ZNF516: variants seen among roughly 807,000 people sequenced by gnomAD.
ZNF516 encodes zinc finger protein 516.
A neutral mutation model predicts 79.7 loss-of-function variants in ZNF516; 19 were observed. The observed-to-expected ratio is 0.24, with a 90% CI of 0.17 to 0.35. ZNF516 has a LOEUF of 0.35. ZNF516 is among the 10% of genes least tolerant of loss of function. The pLI is 1.00. For synonymous variants in ZNF516, 877 were observed against 739.5 expected (o/e 1.19, Z -3.02); for missense variants, 1,678 against 1,679.5 (o/e 1.00, Z 0.02).
chr18:76,453,378 C>T (rs1275076666), intron 2 of ZNF516, among the ~76,000 whole-genome samples: 6 of 152,138 alleles, frequency 3.9e-5, no homozygotes, highest in Admixed American at 6.6e-5. Flanking sequence ...ACTGAGGGGC[C>T]GCTCTCCTTC....
chr18:76,423,570 C>A (rs1468481145), intron 3 of ZNF516, among the ~76,000 whole-genome samples: 3 of 138,182 alleles, frequency 2.2e-5, no homozygotes, highest in East Asian at 4.4e-4. Context: ...TGAAAAGGCT[C>A]CCCCGAAACA....
chr18:76,490,953 A>G (rs1024854785), intron 1 of ZNF516: 4 of 985,250 alleles, frequency 4.1e-6, no homozygotes, highest in African/African-American at 1.7e-5. Flanking sequence ...GAGGTCACAC[A>G]CGCAGAACAC....
intron 2 of ZNF516, among the ~76,000 whole-genome samples, chr18:76,444,812 A>G (rs150172046): frequency 6.6e-5 from 10 of 152,346 alleles, no homozygotes; most frequent in Middle Eastern, 3.4e-3. Flanking sequence ...AGATAACAGC[A>G]AGACAGGAGC....
At position 76,488,916 on chromosome 18, in the gene ZNF516, A is replaced by T. The variant is rs567053657; in HGVS notation, c.-272+6228T>A. On this transcript the variant is annotated intron_variant, in intron 1 of 6. Coordinates refer to ENST00000443185, the MANE Select transcript of ZNF516 (RefSeq NM_014643.4). ...CCACTTTTAATTAGGTAATTAACAG[A>T]AGTCCTTTTCCCCTAAATCAAAATA... is the stretch of plus-strand genomic sequence containing the variant. 1.2e-4 allele frequency among the ~76,000 whole-genome samples: 19 copies of T among 152,364 alleles called. No individual in the cohort carries two copies. In the East Asian group the frequency reaches 2.1e-3, roughly 17 times the overall value.
At position 76,362,195 on chromosome 18, in the gene ZNF516, G is replaced by A. The variant is rs1218156523; in HGVS notation, c.*303C>T. On this transcript the variant is annotated 3_prime_UTR_variant, in exon 7 of 7. Coordinates refer to ENST00000443185, the MANE Select transcript of ZNF516 (RefSeq NM_014643.4). ...CCTTGTGCCCCTACTGTGCCTGCCA[G>A]TACTACTGTTTATTATAAGAAAATA... 1 of 312,532 alleles carries A rather than the reference G, an allele frequency of 3.2e-6. No homozygotes were observed. Among genetic ancestry groups the A allele is most frequent in the East Asian group, 5.3e-5 (1 of 19,030 alleles). 19.4% of individuals were successfully genotyped at this position (312,532 alleles called of 1,614,324 possible).
Position 76,471,613 on chromosome 18 carries a change from C to T in ZNF516, c.-271-8472G>A, listed in dbSNP as rs988628160. Among the ~76,000 whole-genome samples the T allele has an allele frequency of 5.9e-5, 9 of 152,342 alleles. No individual in the cohort carries two copies. In the East Asian group the frequency reaches 1.7e-3, roughly 29 times the overall value. On this transcript the variant is annotated intron_variant, in intron 1 of 6. Coordinates refer to ENST00000443185, the MANE Select transcript of ZNF516 (RefSeq NM_014643.4). ...ACCACTGGTGGAAACACTCCACACA[C>T]GACAGCTGGGCCTCAGCCAGGCACC...
At chr18:76,455,615 T>C (rs1265391082) in intron 2 of ZNF516, among the ~76,000 whole-genome samples, 1 of 152,186 alleles carries the variant, frequency 6.6e-6, no homozygotes, top group African/African-American at 2.4e-5. Context: ...TTCCAGATAC[T>C]ATCACATCTG....
At chr18:76,453,195 G>A (rs756099375) in intron 2 of ZNF516, among the ~76,000 whole-genome samples, 12 of 152,174 alleles carry the variant, frequency 7.9e-5, no homozygotes, top group South Asian at 2.1e-4. Flanking sequence ...GAGCCCCTTC[G>A]TCTGCCACAA....
At chr18:76,487,938 G>C (rs1242913992) in intron 1 of ZNF516, 2 of 985,282 alleles carry the variant, frequency 2.0e-6, no homozygotes, top group African/African-American at 1.7e-5. Context: ...GAGAAGAAGG[G>C]AACAGCTACA....
chr18:76,440,181 A>C (rs1404851151), intron 3 of ZNF516, among the ~76,000 whole-genome samples: 1 of 148,712 alleles, frequency 6.7e-6, no homozygotes, highest in Non-Finnish European at 1.5e-5. Context: ...TATGCATTTC[A>C]GTGTAACAGA....
intron 3 of ZNF516, among the ~76,000 whole-genome samples, chr18:76,395,956 T>C (rs2075140443): frequency 1.3e-5 from 2 of 152,208 alleles, no homozygotes; most frequent in South Asian, 4.1e-4. Flanking sequence ...GAGGAAGCCC[T>C]GCCTTCTTCC....
intron 1 of ZNF516, chr18:76,492,275 T>C (rs921819919): frequency 1.0e-6 from 1 of 985,272 alleles, no homozygotes; most frequent in African/African-American, 1.7e-5. Context: ...CTTCCCGAGG[T>C]GCGTACTACG....
At chr18:76,408,574 A>C (rs1436338413) in intron 3 of ZNF516, among the ~76,000 whole-genome samples, 2 of 152,176 alleles carry the variant, frequency 1.3e-5, no homozygotes, top group African/African-American at 4.8e-5. Flanking sequence ...TTGTCATCCA[A>C]CTAGGAAACT....
chr18:76,468,013 C>T (rs1320069202), intron 1 of ZNF516, among the ~76,000 whole-genome samples: 2 of 152,234 alleles, frequency 1.3e-5, no homozygotes, highest in East Asian at 3.9e-4. Context: ...GACGGCCTTG[C>T]GGGACTCCCT....
chr18:76,397,387 T>C lies in ZNF516; in HGVS notation c.1811-17084A>G, dbSNP rs1248805397. Among the ~76,000 whole-genome samples the C allele has an allele frequency of 1.3e-5, 2 of 152,086 alleles. 1 individual carries two copies. Among genetic ancestry groups the C allele is most frequent in the Non-Finnish European group, 2.9e-5 (2 of 67,992 alleles). Reference sequence around the variant, plus strand: ...CTACAAAAAAAAAGAAAAAAAAATCTGAATGACAAGAAAATGCCAGGACTA... The same window carrying C: ...CTACAAAAAAAAAGAAAAAAAAATCCGAATGACAAGAAAATGCCAGGACTA... On this transcript the variant is annotated intron_variant, in intron 3 of 6. Transcript: ENST00000443185.
chr18:76,368,883 G>C (rs1304667445), intron 6 of ZNF516, among the ~76,000 whole-genome samples: 1 of 152,174 alleles, frequency 6.6e-6, no homozygotes, highest in East Asian at 1.9e-4. Context: ...TTTTCAAAGA[G>C]GCTTAGGTAG....
At chr18:76,449,927 C>T (rs768921437) in intron 2 of ZNF516, among the ~76,000 whole-genome samples, 7 of 152,170 alleles carry the variant, frequency 4.6e-5, no homozygotes, top group Non-Finnish European at 7.3e-5. Flanking sequence ...TTGACCAACA[C>T]CTATAATCAT....
intron 3 of ZNF516, among the ~76,000 whole-genome samples, chr18:76,405,541 G>A (rs1225713000): frequency 6.6e-6 from 1 of 152,092 alleles, no homozygotes; most frequent in African/African-American, 2.4e-5. Flanking sequence ...GAGCTTGAAG[G>A]GCCTCCTTTC....
chr18:76,418,954 C>T (rs1285224404), intron 3 of ZNF516, among the ~76,000 whole-genome samples: 3 of 152,330 alleles, frequency 2.0e-5, no homozygotes, highest in South Asian at 2.1e-4. Flanking sequence ...CACCTCATTC[C>T]GCAGACGAAA....
Sources: allele counts gnomAD v4.1 joint callset (sites outside exome capture counted in the v4.1 genomes callset), GRCh38; gene constraint gnomAD v4.1.1; transcripts MANE v1.5; gene names NCBI Gene and HGNC (gene_info 2026-07-23, HGNC 2026-07-21).